Variants in EYS observed in about 807,000 individuals in gnomAD.
EYS encodes EGF-like photoreceptor maintenance factor.
A neutral mutation model predicts 282.1 loss-of-function variants in EYS; 250 were observed. That is an observed-to-expected ratio of 0.89 (90% confidence interval 0.80 to 0.98). EYS has a LOEUF of 0.98. Ranked by LOEUF, EYS falls within the 50% of genes least tolerant of loss-of-function variation. EYS has a pLI of 0.00. For missense variants in EYS, 4,016 were observed against 3,709.0 expected (o/e 1.08, Z -2.15); for synonymous variants, 1,355 against 1,282.9 (o/e 1.06, Z -1.20).
At chr6:63,859,187 T>C (rs1184835101) in intron 36 of EYS, among the ~76,000 whole-genome samples, 2 of 146,690 alleles carry the variant, frequency 1.4e-5, no homozygotes, top group South Asian at 4.5e-4. Flanking sequence ...GTAAGGATCC[T>C]ACTTTGACCA....
At chr6:63,779,161 T>G (rs1400705638) in intron 39 of EYS, 1 of 151,902 alleles carries the variant, frequency 6.6e-6, no homozygotes, top group East Asian at 1.9e-4. Flanking sequence ...CTATACATCT[T>G]TAGAAAGAAC....
chr6:64,576,804 G>A (rs1338633137), intron 26 of EYS, among the ~76,000 whole-genome samples: 1 of 152,048 alleles, frequency 6.6e-6, no homozygotes, highest in Non-Finnish European at 1.5e-5. Context: ...CTCTAAGAAA[G>A]CTAATTTAGT....
At chr6:64,143,382 A>T in intron 31 of EYS, among the ~76,000 whole-genome samples, 1 of 133,250 alleles carries the variant, frequency 7.5e-6, no homozygotes, top group East Asian at 2.3e-4. Context: ...AAAAAAAAAA[A>T]GTATCACTGT....
chr6:65,030,337 A>C (rs1032286092), intron 13 of EYS, among the ~76,000 whole-genome samples: 2 of 151,832 alleles, frequency 1.3e-5, no homozygotes, highest in Admixed American at 6.6e-5. Context: ...ACCCTCCCTA[A>C]CCATCAGAGA....
intron 26 of EYS, among the ~76,000 whole-genome samples, chr6:64,471,255 A>T (rs545097997): frequency 6.6e-6 from 1 of 152,282 alleles, no homozygotes; most frequent in East Asian, 1.9e-4. Context: ...CAATTAGACA[A>T]GAACGAAAAA....
At chr6:63,871,645 G>A (rs537508734) in intron 35 of EYS, among the ~76,000 whole-genome samples, 3 of 152,188 alleles carry the variant, frequency 2.0e-5, no homozygotes, top group Admixed American at 6.5e-5. Context: ...CTGGGCAACA[G>A]AGTGAGACTC....
At chr6:64,493,544 ACCT>A (rs540311741) in intron 26 of EYS, among the ~76,000 whole-genome samples, 1 of 151,504 alleles carries the variant, frequency 6.6e-6, no homozygotes, top group Non-Finnish European at 1.5e-5. Context: ...AATTTTTCTA[ACCT>A]CCTGCAGTCT....
chr6:64,446,843 T>A (rs1311085258), intron 26 of EYS, among the ~76,000 whole-genome samples: 1 of 152,042 alleles, frequency 6.6e-6, no homozygotes, highest in African/African-American at 2.4e-5. Flanking sequence ...GAAATAATTA[T>A]GTATTGCTCT....
intron 12 of EYS, among the ~76,000 whole-genome samples, chr6:65,261,127 G>C (rs1307970575): frequency 6.6e-6 from 1 of 152,022 alleles, no homozygotes; most frequent in Non-Finnish European, 1.5e-5. Context: ...TAAGAGCAGA[G>C]AATGTTATCT....
intron 41 of EYS, among the ~76,000 whole-genome samples, chr6:63,728,323 G>A (rs1016209523): frequency 2.0e-5 from 3 of 152,078 alleles, no homozygotes; most frequent in Non-Finnish European, 4.4e-5. Flanking sequence ...CTATGCATAA[G>A]TAATTGCTTT....
At chr6:65,341,135 A>C (rs1296433383) in intron 10 of EYS, among the ~76,000 whole-genome samples, 1 of 151,216 alleles carries the variant, frequency 6.6e-6, no homozygotes, top group Non-Finnish European at 1.5e-5. Flanking sequence ...TTCTATAAGT[A>C]CATCATTCAA....
intron 24 of EYS, among the ~76,000 whole-genome samples, chr6:64,597,843 C>T (rs1766636423): frequency 6.6e-6 from 1 of 152,088 alleles, no homozygotes; most frequent in South Asian, 2.1e-4. Context: ...CAAAATTGCA[C>T]TTGTAACGCT....
chr6:65,260,113 G>A (rs1321528288), intron 12 of EYS, among the ~76,000 whole-genome samples: 1 of 152,050 alleles, frequency 6.6e-6, no homozygotes, highest in Non-Finnish European at 1.5e-5. Context: ...GGGGAAGCAA[G>A]CAAGCTTCTT....
rs71570666 is a variant in EYS at position 64,277,865 on chromosome 6, T to C, written c.6191+29105A>G. On this transcript the variant is annotated intron_variant, in intron 30 of 42. Transcript: ENST00000503581. ...TCTAATCCATACTTTTAAGATCACA[T>C]TTGAAAAAGTTTGGTTCTGGGCTAA... 7.9e-3 allele frequency among the ~76,000 whole-genome samples: 1,203 copies of C among 152,208 alleles called. 6 individuals are homozygous for C. The highest frequency in any genetic ancestry group is 9.9e-3 in the Non-Finnish European group (672 of 67,960).
chr6:64,920,059 T>C (rs1301086355), intron 15 of EYS, among the ~76,000 whole-genome samples: 2 of 152,066 alleles, frequency 1.3e-5, no homozygotes, highest in African/African-American at 2.4e-5. Flanking sequence ...AGATGCCATA[T>C]AGTGAGATTA....
At chr6:64,435,827 T>C (rs1774723164) in intron 28 of EYS, among the ~76,000 whole-genome samples, 1 of 151,916 alleles carries the variant, frequency 6.6e-6, no homozygotes, top group Admixed American at 6.6e-5. Flanking sequence ...TTTATGCTTT[T>C]CTGGAAGTGC....
intron 2 of EYS, among the ~76,000 whole-genome samples, chr6:65,536,714 C>G (rs1344502349): frequency 6.6e-6 from 1 of 151,936 alleles, no homozygotes; most frequent in Non-Finnish European, 1.5e-5. Context: ...TTAGATAAGA[C>G]CTCAACAAAG....
intron 30 of EYS, among the ~76,000 whole-genome samples, chr6:64,249,776 A>G (rs1248162420): frequency 6.6e-6 from 1 of 152,216 alleles, no homozygotes; most frequent in African/African-American, 2.4e-5. Context: ...GCAAACTTGT[A>G]CTTAACGGAT....
intron 37 of EYS, among the ~76,000 whole-genome samples, chr6:63,801,867 T>A (rs1428961256): frequency 4.6e-5 from 7 of 152,194 alleles, no homozygotes; most frequent in Admixed American, 4.6e-4. Context: ...CTTGCTTTTT[T>A]ATGGACATAT....
Sources: allele counts gnomAD v4.1 joint callset (sites outside exome capture counted in the v4.1 genomes callset), GRCh38; gene constraint gnomAD v4.1.1; transcripts MANE v1.5; gene names NCBI Gene and HGNC (gene_info 2026-07-23, HGNC 2026-07-21).